The following VPS52 variants were observed in gnomAD, a reference collection of about 807,000 sequenced individuals.
The protein encoded by VPS52 is VPS52 subunit of GARP complex.
VPS52 carries 56 observed loss-of-function variants against 98.7 expected under a neutral mutation model. That is an observed-to-expected ratio of 0.57 (90% CI 0.46 to 0.71). The LOEUF (loss-of-function observed/expected upper bound fraction) is 0.71, where lower values mean the gene tolerates loss of function less well. VPS52 is among the 30% of genes least tolerant of loss of function. The pLI is 0.00. For missense variants in VPS52, 742 were observed against 925.9 expected (o/e 0.80, Z 2.58); for synonymous variants, 348 against 346.4 (o/e 1.00, Z -0.05).
intron 5 of VPS52, 114 bp from the exon 6 acceptor site, chr6:33,269,303 G>C: frequency 1.4e-6 from 2 of 1,454,734 alleles, no homozygotes; most frequent in African/African-American, 1.4e-5. Context: ...GGTGGCAGAT[G>C]ATGAGACACC....
In VPS52 at chr6:33,268,247, A is replaced by G; in HGVS notation, c.700-39T>C. 6.2e-7 allele frequency: 1 copy of G among 1,602,892 alleles called. No individual in the cohort carries two copies. The highest frequency in any genetic ancestry group is 1.7e-5 in the Admixed American group (1 of 59,980). ...ACCAAACACAGGGCATGAAGCTGCA[A>G]CCCTTTTGCTGTATGAGAGGAACTG... On this transcript the variant is annotated intron_variant, in intron 7 of 19. Transcript: ENST00000445902. This position sits in a 1 kb window ranked among gnomAD's most constrained non-coding sequence, Gnocchi z 4.0.
intron 13 of VPS52, 34 bp from the exon 14 acceptor site, chr6:33,264,531 C>A (rs767887306): frequency 6.2e-7 from 1 of 1,612,416 alleles, no homozygotes; most frequent in Non-Finnish European, 8.5e-7. Context: ...GGTCAGCCAG[C>A]AAGGAATGTT....
intron 13 of VPS52, 32 bp downstream of exon 13, chr6:33,264,750 C>G: frequency 1.9e-6 from 3 of 1,594,406 alleles, no homozygotes; most frequent in Non-Finnish European, 1.7e-6. Context: ...AGTTCGTGGC[C>G]TGTTGGGCAT....
In VPS52 at chr6:33,263,566, G is replaced by A. The variant is rs1263634071; in HGVS notation, c.1729-17C>T. On this transcript the variant is annotated splice_polypyrimidine_tract_variant and intron_variant, in intron 16 of 19. Transcript: ENST00000445902. The stretch of plus-strand genomic sequence containing the variant: ...AGCCCGCTCCTAAGGGAAGACAAAG[G>A]GAAATGTCTAGTTTGGGGAAAGCAG... 3.1e-6 allele frequency: 5 copies of A among 1,614,058 alleles called. No homozygotes were observed. The highest frequency in any genetic ancestry group is 4.2e-6 in the Non-Finnish European group (5 of 1,180,012).
In VPS52 at chr6:33,269,203, A is replaced by T; in HGVS notation, c.373-14T>A. 1.2e-6 allele frequency: 2 copies of T among 1,612,842 alleles called. No individual in the cohort carries two copies. The highest frequency in any genetic ancestry group is 1.7e-6 in the Non-Finnish European group (2 of 1,179,864). On this transcript the variant is annotated splice_polypyrimidine_tract_variant and intron_variant, in intron 5 of 19. Coordinates refer to ENST00000445902, the MANE Select transcript of VPS52 (RefSeq NM_022553.6). ...CTGCTCCATTCGCTGTAGGGAGGGTAGATGTTGCCGGAGTGCTATAGGGTT... is the reference window on the plus strand; with the variant it reads ...CTGCTCCATTCGCTGTAGGGAGGGTTGATGTTGCCGGAGTGCTATAGGGTT...
Position 33,271,836 on chromosome 6 carries a change from C to T in VPS52, c.-161G>A, listed in dbSNP as rs1765142553. 4 of 1,402,526 alleles carry T rather than the reference C, an allele frequency of 2.9e-6. No homozygotes were observed. In the Admixed American group the frequency reaches 8.3e-5, roughly 29 times the overall value. The allele number at this position is 1,402,526 out of a possible 1,614,324, so 86.9% of individuals were successfully genotyped here. On this transcript the variant is annotated 5_prime_UTR_variant, in exon 1 of 20. It adds an upstream start codon to the 5' untranslated region. Transcript: ENST00000445902. The stretch of plus-strand genomic sequence containing the variant: ...TCCCCTTTCAGCTCTAACCACTTCA[C>T]CCAACTGCAAATGGAAATATGGAAG...
At chr6:33,263,339 GAGTTAC>G (rs1490314187) in intron 17 of VPS52, 139 bp downstream of exon 17, 1 of 631,666 alleles carries the variant, frequency 1.6e-6, no homozygotes, top group Non-Finnish European at 2.6e-6. Flanking sequence ...TGTGAATCAA[GAGTTAC>G]AGTAATTCCG....
In VPS52 at chr6:33,268,090, C is replaced by A. The variant is rs1481851966; in HGVS notation, c.800+18G>T. 1.2e-6 allele frequency: 2 copies of A among 1,613,066 alleles called. No homozygotes were observed. Among genetic ancestry groups the A allele is most frequent in the Non-Finnish European group, 1.7e-6 (2 of 1,179,992 alleles). On this transcript the variant is annotated intron_variant, in intron 8 of 19. Coordinates refer to ENST00000445902, the MANE Select transcript of VPS52 (RefSeq NM_022553.6). The surrounding 1 kb of genome is among the most constrained non-coding windows in gnomAD (Gnocchi z 4.0). ...AAAAACTCAAAGGCCATCCCATGCACTTCCTTGGGGTTGTGACCTGTACTT... is the reference window on the plus strand; with the variant it reads ...AAAAACTCAAAGGCCATCCCATGCAATTCCTTGGGGTTGTGACCTGTACTT...
rs369297640 is a variant in VPS52, at chr6:33,268,193, G to A, written c.715C>T (p.Arg239Ter). 3.1e-6 allele frequency: 5 copies of A among 1,612,902 alleles called. No individual in the cohort carries two copies. Among genetic ancestry groups the A allele is most frequent in the Admixed American group, 1.7e-5 (1 of 59,998 alleles). ...RLRVKAVTKI[R>*]EFILQKIYSF... ...TAAATCTTCTGGAGGATAAACTCTC[G>A]GATCTTCGTCACTGCCTAGATGTGG... Residue 239 changes from arginine (R) to a stop codon, truncating the protein, a stop_gained, in exon 8 of 20, where the codon CGA becomes TGA. Transcript: ENST00000445902. LOFTEE classifies it high-confidence loss of function. This position sits in a 1 kb window ranked among gnomAD's most constrained non-coding sequence, Gnocchi z 4.0.
At chr6:33,261,295 C>T (rs1453038108) in intron 17 of VPS52, among the ~76,000 whole-genome samples, 2 of 151,752 alleles carry the variant, frequency 1.3e-5, no homozygotes, top group Admixed American at 6.6e-5. Context: ...GGTGAAATCC[C>T]GTCTCTACTA....
chr6:33,253,389 C>T lies in VPS52; in HGVS notation c.1795-1418G>A, dbSNP rs9277959. ...TCTATAATCCCAGCTACTCAGGAGA[C>T]TGAGGCAGGAGAATTGCTTGAACCC... On this transcript the variant is annotated intron_variant, in intron 17 of 19. Transcript: ENST00000445902. Among the ~76,000 whole-genome samples the T allele has an allele frequency of 5.2e-4, 78 of 151,074 alleles. 2 individuals are homozygous for T. The highest frequency in any genetic ancestry group is 3.5e-4 in the Non-Finnish European group (24 of 67,906).
Position 33,267,807 on chromosome 6 carries a change from G to A in VPS52, c.933+58C>T, listed in dbSNP as rs112665312. 0.021 allele frequency: 33,843 copies of A among 1,612,848 alleles called. 654 individuals carry two copies. Among genetic ancestry groups the A allele is most frequent in the African/African-American group, 0.088 (6,567 of 74,964 alleles). ...AACACAATAAAATATTCCTTGCCCA[G>A]GGATGTCCCCTCCTCCCAGTCCATG... On this transcript the variant is annotated intron_variant, in intron 9 of 19. Coordinates refer to ENST00000445902, the MANE Select transcript of VPS52 (RefSeq NM_022553.6). The surrounding 1 kb of genome is among the most constrained non-coding windows in gnomAD (Gnocchi z 4.2).
chr6:33,264,240 A>G, intron 14 of VPS52, 134 bp downstream of exon 14: 3 of 1,547,658 alleles, frequency 1.9e-6, no homozygotes, highest in Non-Finnish European at 1.8e-6. Flanking sequence ...ACCACTCACC[A>G]TGAGTTTCAC....
chr6:33,268,201 G>A lies in VPS52; in HGVS notation c.707C>T (p.Thr236Met), dbSNP rs781535504. ...VLDRLRVKAV[T>M]KIREFILQKI... is the part of the protein sequence containing the mutation. Reference sequence around the variant, plus strand: ...CTGGAGGATAAACTCTCGGATCTTCGTCACTGCCTAGATGTGGGGAACCAA... The same window carrying A: ...CTGGAGGATAAACTCTCGGATCTTCATCACTGCCTAGATGTGGGGAACCAA... The change falls in exon 8 of 20, where the codon ACG becomes ATG. Residue 236 changes from threonine to methionine, a missense_variant. Thr to Met is a moderately conservative substitution (Grantham distance 81). This residue lies in a region of VPS52 where 590 missense variants were observed against 793.3 expected (regional missense o/e 0.74). Transcript: ENST00000445902. The surrounding 1 kb of genome is among the most constrained non-coding windows in gnomAD (Gnocchi z 4.0). 1.4e-4 allele frequency: 218 copies of A among 1,613,044 alleles called. No homozygotes were observed. In the East Asian group the frequency reaches 3.9e-3, roughly 29 times the overall value.
Position 33,267,493 on chromosome 6 carries a change from G to T in VPS52, c.992-172C>A. 1.3e-5 allele frequency: 16 copies of T among 1,205,076 alleles called. No individual in the cohort carries two copies. Among genetic ancestry groups the T allele is most frequent in the Non-Finnish European group, 1.6e-5 (14 of 858,134 alleles). 74.6% of individuals were successfully genotyped at this position (1,205,076 alleles called of 1,614,324 possible). A position where few individuals can be genotyped will look rare whatever the true frequency, so the allele number is the denominator to read the frequency against. On this transcript the variant is annotated intron_variant, in intron 10 of 19. Coordinates refer to ENST00000445902, the MANE Select transcript of VPS52 (RefSeq NM_022553.6). The surrounding 1 kb of genome is among the most constrained non-coding windows in gnomAD (Gnocchi z 4.2). The stretch of plus-strand genomic sequence containing the variant: ...GCTTCAGGGTGTCTCTCCCTCCCTT[G>T]CAATCATATGCAAAACTATGTGTCA...
At position 33,268,016 on chromosome 6, in the gene VPS52, G is replaced by A; in HGVS notation, c.801-19C>T. On this transcript the variant is annotated intron_variant, in intron 8 of 19. Transcript: ENST00000445902. The surrounding 1 kb of genome is among the most constrained non-coding windows in gnomAD (Gnocchi z 4.0). ...GAAGAACCTAGGGGGTCAGGAACAT[G>A]TCAGTCTACCTGTCTCCCAAGAAAC... 3 of 1,613,036 alleles carry A rather than the reference G, an allele frequency of 1.9e-6. No individual in the cohort carries two copies. The highest frequency in any genetic ancestry group is 2.5e-6 in the Non-Finnish European group (3 of 1,180,018).
At position 33,267,366 on chromosome 6, in the gene VPS52, G is replaced by T. The variant is rs1273587273; in HGVS notation, c.992-45C>A. ...GGGAAAACAATGAGACCATAACTGG[G>T]CCCAAAGACTCACTATCTGTGGGGA... On this transcript the variant is annotated intron_variant, in intron 10 of 19. Transcript: ENST00000445902. This position sits in a 1 kb window ranked among gnomAD's most constrained non-coding sequence, Gnocchi z 4.2. 6.6e-7 allele frequency: 1 copy of T among 1,526,182 alleles called. No homozygotes were observed. The highest frequency in any genetic ancestry group is 2.3e-5 in the East Asian group (1 of 43,410). The allele number at this position is 1,526,182 out of a possible 1,614,324, so 94.5% of individuals were successfully genotyped here. A position where few individuals can be genotyped will look rare whatever the true frequency, so the allele number is the denominator to read the frequency against.
At chr6:33,265,371 C>T (rs754950215) in intron 12 of VPS52, among the ~76,000 whole-genome samples, 7 of 151,806 alleles carry the variant, frequency 4.6e-5, no homozygotes, top group South Asian at 2.1e-4. Flanking sequence ...CCACTGCACC[C>T]GGTGTTTTCG....
At chr6:33,259,226 G>C (rs753070522) in intron 17 of VPS52, among the ~76,000 whole-genome samples, 1 of 152,178 alleles carries the variant, frequency 6.6e-6, no homozygotes, top group Non-Finnish European at 1.5e-5. Context: ...GTAGAAAGCA[G>C]TTAAGCACCT....
Sources: gnomAD v4.1 joint callset for allele counts (sites outside exome capture counted in the v4.1 genomes callset) on GRCh38, gnomAD v4.1.1 for gene constraint, gnomAD v4.1.1 regional missense constraint, Gnocchi (gnomAD v3.1) non-coding constraint, MANE v1.5 for transcripts, NCBI Gene and HGNC (gene_info 2026-07-23, HGNC 2026-07-21) for gene names.